KDM6A: variants seen among roughly 807,000 people sequenced by gnomAD.
The protein encoded by KDM6A is lysine demethylase 6A.
Under a neutral mutation model 117.6 loss-of-function variants are expected in KDM6A, and 11 were observed. That is an observed-to-expected ratio of 0.09 (90% CI 0.06 to 0.15). The LOEUF (loss-of-function observed/expected upper bound fraction) is 0.15. Among genes scored for constraint, KDM6A ranks in the 10% least tolerant of loss-of-function variants. The pLI is 1.00. For missense variants in KDM6A, 799 were observed against 1,077.3 expected, an observed-to-expected ratio of 0.74 and a Z score of 3.62; for synonymous variants, 384 against 396.1, an observed-to-expected ratio of 0.97 and a Z score of 0.36.
chrX:45,061,253 C>T (rs2044273505), intron 14 of KDM6A, 71 bp from the exon 15 acceptor site: 1 of 598,528 alleles, frequency 1.7e-6, no homozygotes, highest in African/African-American at 2.3e-5. Context: ...TTGGCCTCCT[C>T]TAACCATTAT....
At chrX:44,954,628 T>C (rs1050653371) in intron 2 of KDM6A, among the ~76,000 whole-genome samples, 7 of 111,092 alleles carry the variant, frequency 6.3e-5, no homozygotes, top group Admixed American at 1.9e-4. Flanking sequence ...GAGTTTGATG[T>C]GGGGTTGGAG....
At chrX:44,894,548 AT>A (rs1021225501) in intron 2 of KDM6A, among the ~76,000 whole-genome samples, 1 of 110,200 alleles carries the variant, frequency 9.1e-6, no homozygotes, top group African/African-American at 3.3e-5. Flanking sequence ...CTTTGTTTTC[AT>A]TCCTGACACG....
chrX:45,095,400 G>C (rs975687470), intron 27 of KDM6A, among the ~76,000 whole-genome samples: 2 of 111,048 alleles, frequency 1.8e-5, no homozygotes, highest in African/African-American at 6.6e-5. Flanking sequence ...TGTCTTGAGA[G>C]GAAAAGGGAA....
chrX:44,983,265 G>A (rs1569501885), intron 4 of KDM6A, among the ~76,000 whole-genome samples: 1 of 111,625 alleles, frequency 9.0e-6, no homozygotes, highest in Non-Finnish European at 1.9e-5. Context: ...ATAGGTAGTG[G>A]ATAAACTAGT....
intron 2 of KDM6A, among the ~76,000 whole-genome samples, chrX:44,882,033 G>A (rs1257895537): frequency 9.0e-6 from 1 of 111,475 alleles, no homozygotes; most frequent in Non-Finnish European, 1.9e-5. Context: ...CTGCTGCTAA[G>A]TTTATTCTCA....
At position 45,070,195 on chromosome X, in the gene KDM6A, C is replaced by T. The variant is rs2148054049; in HGVS notation, c.2696C>T (p.Pro899Leu). ...AACAGTGTTACCAGCCTTAACAGCC[C>T]TCACAGTGGGCTACACACAATTAAT... ...TTNSVTSLNSPHSGLHTINGE... is the reference protein window; with the variant it reads ...TTNSVTSLNSLHSGLHTINGE... The change falls in exon 18 of 30, where the codon CCT (proline) becomes CTT (leucine). Residue 899 changes from proline (P) to leucine (L), a missense_variant. Pro to Leu is a moderately conservative substitution (Grantham distance 98). This residue lies in a region of KDM6A where 291 missense variants were observed against 437.9 expected (regional missense o/e 0.66). Coordinates refer to ENST00000611820, the MANE Select transcript of KDM6A (RefSeq NM_001291415.2). The T allele has an allele frequency of 8.3e-7, 1 of 1,211,478 alleles. No individual in the cohort carries two copies. Among genetic ancestry groups the T allele is most frequent in the South Asian group, 1.8e-5 (1 of 56,964 alleles).
At chrX:45,063,116 C>T (rs2044372721) in intron 16 of KDM6A, among the ~76,000 whole-genome samples, 1 of 110,189 alleles carries the variant, frequency 9.1e-6, no homozygotes, top group Admixed American at 9.6e-5. Flanking sequence ...AGAGAAGGAC[C>T]TATAAGTTCG....
At chrX:44,999,100 A>G (rs982032604) in intron 4 of KDM6A, among the ~76,000 whole-genome samples, 1 of 89,526 alleles carries the variant, frequency 1.1e-5, no homozygotes, top group Non-Finnish European at 2.0e-5. Flanking sequence ...GGTGGATCAC[A>G]TGAAGCCAGT....
At chrX:44,898,033 A>G (rs1042429326) in intron 2 of KDM6A, among the ~76,000 whole-genome samples, 9 of 111,663 alleles carry the variant, frequency 8.1e-5, no homozygotes, top group African/African-American at 2.0e-4. Context: ...TGGAAGTTCA[A>G]TTCCTCCCTT....
At chrX:44,874,460 G>A (rs1038715415) in intron 2 of KDM6A, among the ~76,000 whole-genome samples, 4 of 112,037 alleles carry the variant, frequency 3.6e-5, no homozygotes, top group Non-Finnish European at 7.5e-5. Flanking sequence ...GCTCCCAGAA[G>A]GGGGAAGTTT....
At position 45,112,696 on chromosome X, in the gene KDM6A, C is replaced by G. The variant is rs774426470; in HGVS notation, c.*1285C>G. On this transcript the variant is annotated 3_prime_UTR_variant, in exon 30 of 30. Coordinates refer to ENST00000611820, the MANE Select transcript of KDM6A (RefSeq NM_001291415.2). ...GACAAATCCTGTACAATACTTAGTA[C>G]CATTTTATATGGAAAAGGGGATTCA... The G allele has an allele frequency of 3.3e-5, 4 of 120,306 alleles. No individual in the cohort carries two copies. In the South Asian group the frequency reaches 1.5e-3, roughly 44 times the overall value. 9.9% of individuals were successfully genotyped at this position (120,306 alleles called of 1,213,427 possible). A position where few individuals can be genotyped will look rare whatever the true frequency, so the allele number is the denominator to read the frequency against.
chrX:44,989,030 C>A (rs908500181), intron 4 of KDM6A, among the ~76,000 whole-genome samples: 26 of 108,307 alleles, frequency 2.4e-4, no homozygotes, highest in Non-Finnish European at 4.6e-4. Context: ...GCAGGCAGGC[C>A]TCCTTGACCT....
rs948296036 is a variant in KDM6A, at chrX:44,873,750, G to C, written c.161+38G>C. ...GTCACTCGCCCGGTCGGCTCCGGAC[G>C]GGCAGTAGCCGCTCTCCCGGGAGGA... On this transcript the variant is annotated intron_variant, in intron 1 of 29. Transcript: ENST00000611820. 9 of 1,157,908 alleles carry C rather than the reference G, an allele frequency of 7.8e-6. No homozygotes were observed. In the African/African-American group the frequency reaches 1.1e-4, roughly 14 times the overall value.
chrX:44,995,389 T>C (rs2040817239), intron 4 of KDM6A, among the ~76,000 whole-genome samples: 1 of 111,710 alleles, frequency 9.0e-6, no homozygotes, highest in South Asian at 3.7e-4. Flanking sequence ...GTATGTATAC[T>C]GCTTGCCATT....
chrX:45,023,334 G>A (rs907932627), intron 6 of KDM6A, among the ~76,000 whole-genome samples: 1 of 111,220 alleles, frequency 9.0e-6, no homozygotes, highest in African/African-American at 3.3e-5. Flanking sequence ...AAAATACAGC[G>A]TATTTTCATA....
chrX:45,020,875 G>C, intron 6 of KDM6A, 145 bp downstream of exon 6: 1 of 599,814 alleles, frequency 1.7e-6, no homozygotes, highest in Non-Finnish European at 2.7e-6. Flanking sequence ...TGACAGAACT[G>C]TTTATCAACT....
At position 44,984,128 on chromosome X, in the gene KDM6A, T is replaced by C. The variant is rs1193400093; in HGVS notation, c.384+9413T>C. 3.9e-4 allele frequency among the ~76,000 whole-genome samples: 43 copies of C among 109,968 alleles called. No homozygotes were observed. The East Asian group carries it at 0.011, about 28-fold the overall frequency. Reference sequence around the variant, plus strand: ...CTAACTGGTGTGAGATGGTATCTCATTGTGGTTTTGATTTGCATTTCTCTG... The same window carrying C: ...CTAACTGGTGTGAGATGGTATCTCACTGTGGTTTTGATTTGCATTTCTCTG... On this transcript the variant is annotated intron_variant, in intron 4 of 29. Transcript: ENST00000611820.
intron 3 of KDM6A, among the ~76,000 whole-genome samples, chrX:44,963,483 G>GTGTGTGTGTGTGTGTGTGTGTCTGTC (rs1481840859): frequency 4.9e-5 from 2 of 40,887 alleles, no homozygotes; most frequent in Admixed American, 3.7e-4. Flanking sequence ...GTGTGTGTGT[G>GTGTGTGTGTGTGTGTGTGTGTCTGTC]TGTCTGTCTG....
chrX:45,079,111 T>C lies in KDM6A; in HGVS notation c.3095-35T>C, dbSNP rs745892797. On this transcript the variant is annotated intron_variant, in intron 20 of 29. Transcript: ENST00000611820. ...CTTAAAATATTATCCCAAATATAAT[T>C]TTCATTTTTTAACTACATTTATGTA... 3.0e-5 allele frequency: 32 copies of C among 1,080,001 alleles called. No individual in the cohort carries two copies. The East Asian group carries it at 9.4e-4, about 32-fold the overall frequency. 89.0% of individuals were successfully genotyped at this position (1,080,001 alleles called of 1,213,427 possible).
Sources: gnomAD v4.1 joint callset for allele counts (sites outside exome capture counted in the v4.1 genomes callset) on GRCh38, gnomAD v4.1.1 for gene constraint, gnomAD v4.1.1 regional missense constraint, MANE v1.5 for transcripts, NCBI Gene and HGNC (gene_info 2026-07-23, HGNC 2026-07-21) for gene names.